CHRM3: variants seen among roughly 807,000 people sequenced by gnomAD.
The protein encoded by CHRM3 is cholinergic receptor muscarinic 3.
A neutral mutation model predicts 41.8 loss-of-function variants in CHRM3; 11 were observed. The observed-to-expected ratio is 0.26, with a 90% CI of 0.17 to 0.44. The LOEUF (loss-of-function observed/expected upper bound fraction) is 0.44. Ranked by LOEUF, CHRM3 falls within the 20% of genes least tolerant of loss-of-function variation. The pLI is 1.00. For missense variants in CHRM3, 571 were observed against 745.4 expected (o/e 0.77, Z 2.72); for synonymous variants, 297 against 301.4 (o/e 0.99, Z 0.15).
At chr1:239,637,648 C>T (rs2148900191) in intron 4 of CHRM3, among the ~76,000 whole-genome samples, 1 of 149,832 alleles carries the variant, frequency 6.7e-6, no homozygotes, top group East Asian at 2.0e-4. Context: ...CCACACAACA[C>T]CGTGGGGTTG....
intron 1 of CHRM3, among the ~76,000 whole-genome samples, chr1:239,428,168 C>T (rs1285079578): frequency 6.6e-6 from 1 of 152,188 alleles, no homozygotes; most frequent in Non-Finnish European, 1.5e-5. Context: ...TTCAAGCCAC[C>T]ATGACATTAT....
At chr1:239,904,724 T>C (rs1679839160) in intron 6 of CHRM3, among the ~76,000 whole-genome samples, 1 of 152,228 alleles carries the variant, frequency 6.6e-6, no homozygotes, top group South Asian at 2.1e-4. Context: ...CAATTTCCTA[T>C]AATTGAAAAT....
At chr1:239,498,485 C>T (rs1238068024) in intron 2 of CHRM3, among the ~76,000 whole-genome samples, 6 of 152,038 alleles carry the variant, frequency 3.9e-5, no homozygotes, top group Admixed American at 6.6e-5. Context: ...TACATCTTTT[C>T]GTGTGTGTGT....
intron 6 of CHRM3, among the ~76,000 whole-genome samples, chr1:239,877,476 G>A (rs1677202932): frequency 6.6e-6 from 1 of 152,104 alleles, no homozygotes; most frequent in Non-Finnish European, 1.5e-5. Context: ...ACTACGTGGT[G>A]AATAAACCCT....
chr1:239,461,603 C>T (rs532879476), intron 1 of CHRM3, among the ~76,000 whole-genome samples: 14 of 151,850 alleles, frequency 9.2e-5, no homozygotes, highest in Admixed American at 3.9e-4. Context: ...CCTCCATATA[C>T]GCAAAGAAAA....
chr1:239,685,390 T>C (rs969455653), intron 5 of CHRM3, among the ~76,000 whole-genome samples: 33 of 152,220 alleles, frequency 2.2e-4, no homozygotes, highest in Admixed American at 2.0e-3. Context: ...TGGCAATTCA[T>C]TGGTTTTCTT....
intron 2 of CHRM3, among the ~76,000 whole-genome samples, chr1:239,531,961 G>T (rs78111771): frequency 1.4e-5 from 2 of 143,024 alleles, no homozygotes; most frequent in Admixed American, 1.4e-4. Context: ...GCCTGGCCTA[G>T]AATGGATATT....
At chr1:239,659,644 T>G (rs960166895) in intron 4 of CHRM3, among the ~76,000 whole-genome samples, 1 of 152,244 alleles carries the variant, frequency 6.6e-6, no homozygotes, top group Non-Finnish European at 1.5e-5. Context: ...ATAGTCACAC[T>G]TGGCAAGTGC....
intron 1 of CHRM3, among the ~76,000 whole-genome samples, chr1:239,417,889 T>G (rs1177163516): frequency 2.0e-5 from 3 of 152,162 alleles, no homozygotes; most frequent in African/African-American, 4.8e-5. Context: ...CTAACAGATT[T>G]TTTTCCTTGT....
intron 3 of CHRM3, among the ~76,000 whole-genome samples, chr1:239,549,205 T>C (rs1022262492): frequency 6.6e-6 from 1 of 152,162 alleles, no homozygotes; most frequent in Non-Finnish European, 1.5e-5. Context: ...CATGTGGGAA[T>C]TTAAGATGAG....
At chr1:239,581,370 G>A (rs1006098832) in intron 3 of CHRM3, among the ~76,000 whole-genome samples, 1 of 148,366 alleles carries the variant, frequency 6.7e-6, no homozygotes, top group Non-Finnish European at 1.5e-5. Context: ...ACAGCTATTA[G>A]GTGACAAAGT....
At chr1:239,633,342 G>C (rs1460447766) in intron 4 of CHRM3, among the ~76,000 whole-genome samples, 1 of 152,062 alleles carries the variant, frequency 6.6e-6, no homozygotes, top group Non-Finnish European at 1.5e-5. Flanking sequence ...AAAACCATCA[G>C]ATCTCAAGAG....
intron 6 of CHRM3, among the ~76,000 whole-genome samples, chr1:239,885,234 C>T (rs1012819566): frequency 6.6e-6 from 1 of 152,192 alleles, no homozygotes; most frequent in Non-Finnish European, 1.5e-5. Flanking sequence ...TGATAGTCCT[C>T]TAGGACTGTC....
chr1:239,859,823 A>ATATATATATT (rs1231522764), intron 6 of CHRM3, among the ~76,000 whole-genome samples: 1,881 of 37,606 alleles, frequency 0.05, 61 homozygotes, highest in African/African-American at 0.082. Context: ...AGTGTTTTAT[A>ATATATATATT]TATATATATA....
intron 1 of CHRM3, among the ~76,000 whole-genome samples, chr1:239,404,422 GAAAGAAAGAAAGAA>G (rs1660362685): frequency 1.1e-5 from 1 of 90,850 alleles, no homozygotes; most frequent in African/African-American, 4.9e-5. Flanking sequence ...AAGAAAGAAA[GAAAGAAAGAAAGAA>G]AGAAAGAAAG....
intron 4 of CHRM3, among the ~76,000 whole-genome samples, chr1:239,644,678 CTT>C (rs1671580849): frequency 6.6e-6 from 1 of 152,138 alleles, no homozygotes; most frequent in Non-Finnish European, 1.5e-5. Flanking sequence ...GGAGTGGACT[CTT>C]TGACACTGTG....
At chr1:239,559,834 G>A (rs998635802) in intron 3 of CHRM3, among the ~76,000 whole-genome samples, 13 of 152,004 alleles carry the variant, frequency 8.6e-5, no homozygotes, top group Admixed American at 3.3e-4. Context: ...TCTTGTTATC[G>A]CAGGACCCAA....
intron 4 of CHRM3, among the ~76,000 whole-genome samples, chr1:239,637,723 TTGGGGAATTTGTATTTC>T (rs1670633363): frequency 6.7e-6 from 1 of 149,148 alleles, no homozygotes; most frequent in African/African-American, 2.4e-5. Context: ...TTTTTTTTTT[TTGGGGAATTTGTATTTC>T]TTTGTGAATT....
chr1:239,429,973 C>CT (rs35583332), intron 1 of CHRM3, among the ~76,000 whole-genome samples: 70,534 of 138,134 alleles, frequency 0.51, 18,228 homozygotes, highest in Middle Eastern at 0.62. Context: ...CCCAGACAAT[C>CT]TTTTTTTTTT....
Sources: allele counts gnomAD v4.1 joint callset (sites outside exome capture counted in the v4.1 genomes callset), GRCh38; gene constraint gnomAD v4.1.1; transcripts MANE v1.5; gene names NCBI Gene and HGNC (gene_info 2026-07-23, HGNC 2026-07-21).